Variants in PRUNE2 observed in about 807,000 individuals in gnomAD.
PRUNE2 encodes protein prune homolog 2.
In PRUNE2, 164 loss-of-function variants were observed where a neutral mutation model predicts 252.0. The ratio of observed to expected loss-of-function variants is 0.65; its 90% CI spans 0.57 to 0.74. The LOEUF is 0.74. Ranked by LOEUF, PRUNE2 falls within the 30% of genes least tolerant of loss-of-function variation. The pLI is 0.00. For synonymous variants in PRUNE2, 1,292 were observed against 1,350.2 expected, an observed-to-expected ratio of 0.96 and a Z score of 0.94; for missense variants, 3,495 against 3,711.0, an observed-to-expected ratio of 0.94 and a Z score of 1.51.
Position 76,855,088 on chromosome 9 carries a change from T to A in PRUNE2, c.37-880A>T, listed in dbSNP as rs1356630429. On this transcript the variant is annotated intron_variant, in intron 1 of 18. Coordinates refer to ENST00000376718, the MANE Select transcript of PRUNE2 (RefSeq NM_015225.3). ...TCAAAAAAAAAAAAAAAAAAATATA[T>A]ATATATATATATATAGTCACCCCTC... Among the ~76,000 whole-genome samples the A allele has an allele frequency of 1.3e-3, 176 of 134,162 alleles. 2 individuals carry two copies. Among genetic ancestry groups the A allele is most frequent in the African/African-American group, 3.2e-3 (105 of 32,726 alleles). The allele number at this position is 134,162 out of a possible 152,430, so 88.0% of individuals were successfully genotyped here.
intron 6 of PRUNE2, among the ~76,000 whole-genome samples, chr9:76,734,522 A>T (rs534759835): frequency 7.6e-4 from 116 of 152,306 alleles, no homozygotes; most frequent in African/African-American, 2.6e-3. Context: ...TGAGAATAAT[A>T]ATACCTACTA....
chr9:76,634,774 T>C (rs1265091918), intron 15 of PRUNE2, among the ~76,000 whole-genome samples: 1 of 152,056 alleles, frequency 6.6e-6, no homozygotes, highest in African/African-American at 2.4e-5. Flanking sequence ...CATTACTTAA[T>C]CAAGAAAAAA....
chr9:76,891,152 G>C (rs1162166838), intron 1 of PRUNE2, among the ~76,000 whole-genome samples: 1 of 152,204 alleles, frequency 6.6e-6, no homozygotes, highest in Non-Finnish European at 1.5e-5. Flanking sequence ...ACTCCCCATT[G>C]CATCAGTGTG....
At chr9:76,816,829 C>T (rs1359851227) in intron 6 of PRUNE2, among the ~76,000 whole-genome samples, 1 of 152,158 alleles carries the variant, frequency 6.6e-6, no homozygotes, top group African/African-American at 2.4e-5. Flanking sequence ...AACCAGAACA[C>T]CCACATCCTT....
At chr9:76,615,376 G>T in intron 18 of PRUNE2, 1 of 305,682 alleles carries the variant, frequency 3.3e-6, no homozygotes, top group Non-Finnish European at 4.8e-6. Context: ...TCTGCTCCCT[G>T]AGCCATAAGC....
rs140032621 is a variant in PRUNE2 at position 76,780,692 on chromosome 9, AAAACAAAC to A, written c.756+42932_756+42939del. ...GGCGACAGAGCAAGACTCCGTCTCAAAAACAAACAAACAAACAAACAAACAAAAACAAG... is the reference window on the plus strand; with the variant it reads ...GGCGACAGAGCAAGACTCCGTCTCAAAAACAAACAAACAAACAAAAACAAG... On this transcript the variant is annotated intron_variant, in intron 6 of 18. Coordinates refer to ENST00000376718, the MANE Select transcript of PRUNE2 (RefSeq NM_015225.3). Among the ~76,000 whole-genome samples the A allele has an allele frequency of 3.7e-4, 57 of 152,190 alleles. 1 individual carries two copies. The South Asian group carries it at 8.1e-3, about 22-fold the overall frequency.
intron 16 of PRUNE2, chr9:76,627,804 A>C (rs1276251092): frequency 5.0e-6 from 2 of 401,872 alleles, no homozygotes; most frequent in East Asian, 1.5e-4. Flanking sequence ...ACTGTGCATA[A>C]GTAACTTCCT....
chr9:76,745,031 C>A (rs1173454472), intron 6 of PRUNE2, among the ~76,000 whole-genome samples: 2 of 152,142 alleles, frequency 1.3e-5, no homozygotes. Context: ...TTAACAAGCC[C>A]TGGAAAGTTA....
At chr9:76,851,671 C>T (rs1267247054) in intron 2 of PRUNE2, among the ~76,000 whole-genome samples, 4 of 152,074 alleles carry the variant, frequency 2.6e-5, no homozygotes, top group Admixed American at 1.3e-4. Context: ...GAACGTCAGT[C>T]AGTAGAAATT....
intron 9 of PRUNE2, among the ~76,000 whole-genome samples, chr9:76,684,005 G>C (rs1305708711): frequency 3.3e-5 from 5 of 151,556 alleles, no homozygotes; most frequent in Non-Finnish European, 7.4e-5. Flanking sequence ...GATACAATGT[G>C]ATGTTTTGAC....
At chr9:76,823,439 G>A in intron 6 of PRUNE2, 193 bp downstream of exon 6, 3 of 528,928 alleles carry the variant, frequency 5.7e-6, no homozygotes, top group Non-Finnish European at 6.8e-6. Context: ...GAGAATCCAG[G>A]TTTGGCATTT....
chr9:76,798,731 A>G (rs2056314894), intron 6 of PRUNE2, among the ~76,000 whole-genome samples: 1 of 152,150 alleles, frequency 6.6e-6, no homozygotes, highest in African/African-American at 2.4e-5. Context: ...AGCCTCCCCC[A>G]TCTTCTCTAT....
In PRUNE2 at chr9:76,711,066, A is replaced by C; in HGVS notation, c.1208T>G (p.Ile403Arg). The change falls in exon 8 of 19, where the codon ATA becomes AGA. Residue 403 changes from isoleucine (I) to arginine (R), a missense_variant. Physicochemically the swap from Ile to Arg is moderately conservative, Grantham distance 97. Coordinates refer to ENST00000376718, the MANE Select transcript of PRUNE2 (RefSeq NM_015225.3). ...IEPQPSSVNF[I>R]ENPPDLNDSN... Reference sequence around the variant, plus strand: ...ATCATTGAGATCTGGAGGGTTCTCTATGAAATTCACAGAGCTGGGTTGTGG... The same window carrying C: ...ATCATTGAGATCTGGAGGGTTCTCTCTGAAATTCACAGAGCTGGGTTGTGG... The C allele has an allele frequency of 1.9e-6, 3 of 1,614,026 alleles. No individual in the cohort carries two copies. The highest frequency in any genetic ancestry group is 2.5e-6 in the Non-Finnish European group (3 of 1,179,888).
intron 1 of PRUNE2, among the ~76,000 whole-genome samples, chr9:76,874,603 A>C (rs2133147215): frequency 6.6e-6 from 1 of 152,350 alleles, no homozygotes; most frequent in South Asian, 2.1e-4. Context: ...GACATTTTCC[A>C]TCCCATCGCT....
At chr9:76,631,833 C>A (rs1837773343) in intron 15 of PRUNE2, among the ~76,000 whole-genome samples, 1 of 152,208 alleles carries the variant, frequency 6.6e-6, no homozygotes, top group African/African-American at 2.4e-5. Context: ...ACCCTCCACC[C>A]TCTAGTAGTC....
At chr9:76,844,067 C>G (rs1589536033) in intron 4 of PRUNE2, among the ~76,000 whole-genome samples, 1 of 152,186 alleles carries the variant, frequency 6.6e-6, no homozygotes, top group African/African-American at 2.4e-5. Flanking sequence ...AATTCAGGAG[C>G]TTTTAAAAAT....
At chr9:76,807,020 A>ATGTG (rs1554779764) in intron 6 of PRUNE2, among the ~76,000 whole-genome samples, 3,658 of 140,368 alleles carry the variant, frequency 0.026, 84 homozygotes, top group African/African-American at 0.062. Flanking sequence ...ACCTCATACA[A>ATGTG]TGTGTGTGTG....
intron 4 of PRUNE2, among the ~76,000 whole-genome samples, chr9:76,831,209 T>A (rs1032766766): frequency 6.6e-6 from 1 of 151,950 alleles, no homozygotes. Flanking sequence ...GATTACAGGC[T>A]TGAGCCACCG....
chr9:76,903,033 A>G (rs547233704), intron 1 of PRUNE2, among the ~76,000 whole-genome samples: 55 of 152,346 alleles, frequency 3.6e-4, no homozygotes, highest in African/African-American at 1.3e-3. Context: ...ACTACCTGAT[A>G]AAAATTCAAA....
Sources: allele counts gnomAD v4.1 joint callset (sites outside exome capture counted in the v4.1 genomes callset), GRCh38; gene constraint gnomAD v4.1.1; transcripts MANE v1.5; gene names NCBI Gene and HGNC (gene_info 2026-07-23, HGNC 2026-07-21).